PROC: variants seen among roughly 807,000 people sequenced by gnomAD.
PROC encodes the protein protein C, inactivator of coagulation factors Va and VIIIa, also known as vitamin K-dependent protein C.
Under a neutral mutation model 36.3 loss-of-function variants are expected in PROC, and 22 were observed. The observed-to-expected ratio is 0.61, with a 90% CI of 0.43 to 0.86. The LOEUF is 0.86. Ranked by LOEUF, PROC falls within the 40% of genes least tolerant of loss-of-function variation. The probability of loss-of-function intolerance (pLI) is 0.00; values close to 1 mark genes in which losing one functional copy is unlikely to be tolerated. For synonymous variants in PROC, 218 were observed against 244.5 expected (o/e 0.89, Z 1.01); for missense variants, 526 against 629.7 (o/e 0.84, Z 1.76).
Position 127,419,831 on chromosome 2 carries a change from G to A in PROC, c.-21-91G>A, listed in dbSNP as rs1687981826. ...CTTCCGCCCTGACGGCCAGCACACA[G>A]GGACAGCCCTTTCATTCCGCTTCCA... On this transcript the variant is annotated intron_variant, in intron 1 of 8. Transcript: ENST00000234071. The A allele has an allele frequency of 5.0e-6, 8 of 1,601,568 alleles. No homozygotes were observed. The South Asian group carries it at 8.9e-5, about 18-fold the overall frequency.
Position 127,428,675 on chromosome 2 carries a change from A to C in PROC, c.1115A>C (p.Glu372Ala). The C allele has an allele frequency of 6.2e-7, 1 of 1,613,958 alleles. No individual in the cohort carries two copies. The highest frequency in any genetic ancestry group is 8.5e-7 in the Non-Finnish European group (1 of 1,180,042). The change falls in exon 9 of 9, where the codon GAG (glutamate) becomes GCG (alanine). Residue 372 changes from glutamate to alanine, a missense_variant. Transcript: ENST00000234071. ...FIKIPVVPHN[E>A]CSEVMSNMVS... ...AAGATTCCCGTGGTCCCGCACAATGAGTGCAGCGAGGTCATGAGCAACATG... is the reference window on the plus strand; with the variant it reads ...AAGATTCCCGTGGTCCCGCACAATGCGTGCAGCGAGGTCATGAGCAACATG...
rs1687896203 is a variant in PROC at position 127,418,557 on chromosome 2, G to A, written c.-22+65G>A. The A allele has an allele frequency of 1.7e-5, 22 of 1,260,602 alleles. No homozygotes were observed. Among genetic ancestry groups the A allele is most frequent in the Non-Finnish European group, 2.3e-5 (22 of 962,510 alleles). 78.1% of individuals were successfully genotyped at this position (1,260,602 alleles called of 1,614,324 possible). A position where few individuals can be genotyped will look rare whatever the true frequency, so the allele number is the denominator to read the frequency against. ...GGAGGGCTGCCCCCGGGAGAAGAGA[G>A]CTAGGTGGTGATGAGGGCTGAATCC... On this transcript the variant is annotated intron_variant, in intron 1 of 8. Transcript: ENST00000234071. The surrounding 1 kb of genome is among the most constrained non-coding windows in gnomAD (Gnocchi z 4.8).
rs1458669732 is a variant in PROC at position 127,427,185 on chromosome 2, C to A, written c.759C>A (p.His253Gln). Reference protein sequence around the residue: ...IHPSWVLTAAHCMDESKKLLV... With the variant: ...IHPSWVLTAAQCMDESKKLLV... ...CCTCCTGGGTGCTGACAGCGGCCCA[C>A]TGCATGGATGAGTCCAAGAAGCTCC... Residue 253 changes from histidine (H) to glutamine (Q), a missense_variant, in exon 8 of 9, where the codon CAC becomes CAA. His to Gln is a conservative substitution (Grantham distance 24). Coordinates refer to ENST00000234071, the MANE Select transcript of PROC (RefSeq NM_000312.4). 2.5e-6 allele frequency: 4 copies of A among 1,613,524 alleles called. No individual in the cohort carries two copies. Among genetic ancestry groups the A allele is most frequent in the Non-Finnish European group, 3.4e-6 (4 of 1,179,986 alleles).
chr2:127,426,999 C>T lies in PROC; in HGVS notation c.679-106C>T. On this transcript the variant is annotated intron_variant, in intron 7 of 8. Transcript: ENST00000234071. This position sits in a 1 kb window ranked among gnomAD's most constrained non-coding sequence, Gnocchi z 7.0. ...ACGCCAGAAAGGGCCTAAGCCTATG[C>T]CCATATGACCAGGGAACCCAGGAAA... 1.0e-6 allele frequency: 1 copy of T among 955,656 alleles called. No homozygotes were observed. The highest frequency in any genetic ancestry group is 1.7e-6 in the Non-Finnish European group (1 of 583,508). The allele number at this position is 955,656 out of a possible 1,614,324, so 59.2% of individuals were successfully genotyped here. A position where few individuals can be genotyped will look rare whatever the true frequency, so the allele number is the denominator to read the frequency against.
At chr2:127,420,964 A>C (rs545842114) in intron 2 of PROC, among the ~76,000 whole-genome samples, 12 of 152,248 alleles carry the variant, frequency 7.9e-5, no homozygotes, top group African/African-American at 2.4e-4. Flanking sequence ...TCTCATCCCC[A>C]TGTTTTTGGA....
intron 8 of PROC, 80 bp downstream of exon 8, chr2:127,427,302 C>A: frequency 1.6e-6 from 2 of 1,268,398 alleles, no homozygotes; most frequent in South Asian, 1.2e-5. Flanking sequence ...GTTTGGGGGA[C>A]CCCGCTCCCC....
rs931721738 is a variant in PROC at position 127,420,147 on chromosome 2, A to G, written c.70+135A>G. 4.5e-6 allele frequency: 5 copies of G among 1,101,504 alleles called. No homozygotes were observed. In the Admixed American group the frequency reaches 1.0e-4, roughly 22 times the overall value. 68.2% of individuals were successfully genotyped at this position (1,101,504 alleles called of 1,614,324 possible). ...GTGAGGGGCAGATGGGAATGGCAGG[A>G]ATCAACTGACAAGTCCCAGGTAGGC... On this transcript the variant is annotated intron_variant, in intron 2 of 8. Transcript: ENST00000234071.
intron 6 of PROC, among the ~76,000 whole-genome samples, chr2:127,424,250 A>T (rs1002756062): frequency 1.3e-5 from 2 of 151,120 alleles, no homozygotes; most frequent in African/African-American, 4.9e-5. Context: ...CCCAGGCTGG[A>T]GTGCAATGAC....
At chr2:127,427,077 G>C (rs148629362) in intron 7 of PROC, 28 bp from the exon 8 acceptor site, 1 of 1,599,152 alleles carries the variant, frequency 6.3e-7, no homozygotes, top group Non-Finnish European at 8.6e-7. Flanking sequence ...AGGCAGCCCT[G>C]TGATGTCATC....
chr2:127,422,812 A>G, intron 3 of PROC, 105 bp from the exon 4 acceptor site: 2 of 1,456,706 alleles, frequency 1.4e-6, no homozygotes, highest in South Asian at 2.4e-5. Flanking sequence ...GTTTGTCTGG[A>G]AGCCCTCCCC....
intron 1 of PROC, 143 bp from the exon 2 acceptor site, chr2:127,419,779 C>T: frequency 6.6e-7 from 1 of 1,519,302 alleles, no homozygotes; most frequent in South Asian, 1.3e-5. Flanking sequence ...GGCTATGTCT[C>T]TAGCGAACAA....
In PROC at chr2:127,428,689, A is replaced by G. The variant is rs1688690532; in HGVS notation, c.1129A>G (p.Met377Val). Reference protein sequence around the residue: ...VVPHNECSEVMSNMVSENMLC... With the variant: ...VVPHNECSEVVSNMVSENMLC... ...CCCGCACAATGAGTGCAGCGAGGTC[A>G]TGAGCAACATGGTGTCTGAGAACAT... Residue 377 changes from methionine to valine, a missense_variant, in exon 9 of 9, where the codon ATG becomes GTG. Transcript: ENST00000234071. 6.2e-7 allele frequency: 1 copy of G among 1,613,804 alleles called. No individual in the cohort carries two copies. Among genetic ancestry groups the G allele is most frequent in the African/African-American group, 1.3e-5 (1 of 74,954 alleles).
chr2:127,427,903 G>A (rs775655325), intron 8 of PROC, among the ~76,000 whole-genome samples: 2 of 152,128 alleles, frequency 1.3e-5, no homozygotes, highest in Non-Finnish European at 2.9e-5. Flanking sequence ...GGTGGGACCC[G>A]GCCCTGTCCT....
At chr2:127,427,434 C>G (rs1688586460) in intron 8 of PROC, among the ~76,000 whole-genome samples, 1 of 139,794 alleles carries the variant, frequency 7.2e-6, no homozygotes, top group Admixed American at 7.1e-5. Flanking sequence ...TTCTCTGGTG[C>G]CCTCTTCGAA....
intron 3 of PROC, among the ~76,000 whole-genome samples, chr2:127,422,255 G>A (rs561506898): frequency 6.6e-6 from 1 of 152,312 alleles, no homozygotes; most frequent in Admixed American, 6.5e-5. Context: ...TGGCCTCCCT[G>A]GCAGACGCCA....
chr2:127,425,990 G>T, intron 6 of PROC, 95 bp from the exon 7 acceptor site: 1 of 1,501,468 alleles, frequency 6.7e-7, no homozygotes, highest in South Asian at 1.1e-5. Context: ...CCTGCACTGT[G>T]GCAAAGTGGC....
At chr2:127,427,294 T>A in intron 8 of PROC, 72 bp downstream of exon 8, 1 of 1,384,330 alleles carries the variant, frequency 7.2e-7, no homozygotes, top group Non-Finnish European at 1.0e-6. Flanking sequence ...CTGTTCAGGT[T>A]TGGGGGACCC....
At chr2:127,424,041 C>T in intron 6 of PROC, among the ~76,000 whole-genome samples, 1 of 152,092 alleles carries the variant, frequency 6.6e-6, no homozygotes, top group Non-Finnish European at 1.5e-5. Context: ...TCTTCTGCCT[C>T]TAGGGACATT....
rs541782211 is a variant in PROC, at chr2:127,422,254, T to A, written c.238-663T>A. Among the ~76,000 whole-genome samples, 5 of 152,324 alleles carry A rather than the reference T, an allele frequency of 3.3e-5. No individual in the cohort carries two copies. In the East Asian group the frequency reaches 9.7e-4, roughly 29 times the overall value. On this transcript the variant is annotated intron_variant, in intron 3 of 8. Transcript: ENST00000234071. Reference sequence around the variant, plus strand: ...CCACCTCTTTCCCCAGTGGCCTCCCTGGCAGACGCCACAGTGACTTTCTGC... The same window carrying A: ...CCACCTCTTTCCCCAGTGGCCTCCCAGGCAGACGCCACAGTGACTTTCTGC...
Sources: allele counts gnomAD v4.1 joint callset (sites outside exome capture counted in the v4.1 genomes callset), GRCh38; gene constraint gnomAD v4.1.1; non-coding constraint Gnocchi (gnomAD v3.1); transcripts MANE v1.5; gene names NCBI Gene and HGNC (gene_info 2026-07-23, HGNC 2026-07-21).